Variants in PBRM1 observed in about 807,000 individuals in gnomAD.
PBRM1 encodes polybromo 1.
Under a neutral mutation model 194.5 loss-of-function variants are expected in PBRM1, and 27 were observed. The observed-to-expected ratio is 0.14, with a 90% confidence interval of 0.10 to 0.19. PBRM1 has a LOEUF of 0.19. Ranked by LOEUF, PBRM1 falls within the 10% of genes least tolerant of loss-of-function variation. The pLI is 1.00. For missense variants in PBRM1, 1,466 were observed against 2,077.2 expected, an observed-to-expected ratio of 0.71 and a Z score of 5.72; for synonymous variants, 655 against 693.2, an observed-to-expected ratio of 0.94 and a Z score of 0.87.
chr3:52,591,767 C>T (rs1455874648), intron 17 of PBRM1, among the ~76,000 whole-genome samples: 2 of 149,344 alleles, frequency 1.3e-5, no homozygotes, highest in Non-Finnish European at 3.0e-5. Context: ...ATCCACCCGC[C>T]CCGGCCTCCC....
At chr3:52,553,216 C>T (rs1424134943) in intron 27 of PBRM1, among the ~76,000 whole-genome samples, 3 of 152,216 alleles carry the variant, frequency 2.0e-5, no homozygotes, top group African/African-American at 7.2e-5. Flanking sequence ...TCCGAGTCTT[C>T]CAAAGGTCAC....
intron 17 of PBRM1, among the ~76,000 whole-genome samples, chr3:52,601,110 A>G (rs1314288519): frequency 6.6e-6 from 1 of 152,248 alleles, no homozygotes; most frequent in African/African-American, 2.4e-5. Flanking sequence ...TTCGTAGAAG[A>G]GGACTTCTCC....
exon 20 of PBRM1, chr3:52,586,444 T>C (rs2153761631): frequency 6.2e-7 from 1 of 1,612,644 alleles, no homozygotes. Flanking sequence ...GTTAAAATTG[T>C]CTTCAGCTCG....
chr3:52,654,182 G>A (rs1179779659), intron 5 of PBRM1, among the ~76,000 whole-genome samples: 1 of 152,170 alleles, frequency 6.6e-6, no homozygotes, highest in Non-Finnish European at 1.5e-5. Context: ...AAACCCTACT[G>A]AAGCCCACGC....
chr3:52,605,854 T>A (rs558716368), intron 16 of PBRM1, among the ~76,000 whole-genome samples: 1 of 152,184 alleles, frequency 6.6e-6, no homozygotes, highest in South Asian at 2.1e-4. Context: ...CCGCCCGCCG[T>A]GGCCTCCCAA....
chr3:52,603,617 T>C, exon 17 of PBRM1: 1 of 1,613,558 alleles, frequency 6.2e-7, no homozygotes, highest in Non-Finnish European at 8.5e-7. Flanking sequence ...AAATGTTTTG[T>C]GGTATAGCTG....
chr3:52,554,625 C>T, intron 27 of PBRM1, 99 bp downstream of exon 29: 1 of 1,055,668 alleles, frequency 9.5e-7, no homozygotes, highest in Non-Finnish European at 1.3e-6. Flanking sequence ...GAAGGCCTGG[C>T]CACAATGGGC....
At chr3:52,580,194 C>T (rs2090743954) in intron 20 of PBRM1, among the ~76,000 whole-genome samples, 2 of 152,062 alleles carry the variant, frequency 1.3e-5, no homozygotes, top group African/African-American at 2.4e-5. Context: ...GAGCTGAGAT[C>T]GTGCCACTGC....
chr3:52,648,311 G>GAAA, intron 7 of PBRM1, 33 bp downstream of exon 8: 1 of 1,240,214 alleles, frequency 8.1e-7, no homozygotes, highest in Non-Finnish European at 1.2e-6. Flanking sequence ...TATTACCAAG[G>GAAA]AAAACAACAA....
intron 2 of PBRM1, 92 bp downstream of exon 3, chr3:52,678,408 C>G (rs2097149312): frequency 1.3e-6 from 1 of 781,760 alleles, no homozygotes; most frequent in South Asian, 1.6e-5. Context: ...TAAGCCATTC[C>G]TGCCAACAAA....
At chr3:52,631,910 G>A (rs536609260) in intron 11 of PBRM1, among the ~76,000 whole-genome samples, 1 of 152,136 alleles carries the variant, frequency 6.6e-6, no homozygotes, top group Admixed American at 6.6e-5. Context: ...AAAGATGGAA[G>A]GCAAACCAAG....
chr3:52,624,794 T>C, intron 13 of PBRM1, 103 bp downstream of exon 15: 1 of 780,326 alleles, frequency 1.3e-6, no homozygotes, highest in Admixed American at 2.5e-5. Context: ...ATAAAGACTT[T>C]TTTTCACATG....
chr3:52,673,905 GC>G (rs1209300725), intron 2 of PBRM1, among the ~76,000 whole-genome samples: 17 of 151,246 alleles, frequency 1.1e-4, no homozygotes, highest in Admixed American at 6.6e-4. Flanking sequence ...ACAAAAATTA[GC>G]CAGGCATGGT....
intron 29 of PBRM1, among the ~76,000 whole-genome samples, chr3:52,548,627 T>C (rs1423310776): frequency 6.6e-6 from 1 of 152,156 alleles, no homozygotes; most frequent in Non-Finnish European, 1.5e-5. Flanking sequence ...GGTTTCACCA[T>C]GTTGGCCAGG....
chr3:52,597,902 C>G (rs895905640), intron 17 of PBRM1, among the ~76,000 whole-genome samples: 4 of 152,192 alleles, frequency 2.6e-5, no homozygotes, highest in African/African-American at 9.7e-5. Flanking sequence ...CAGGGTTTCA[C>G]CATGTTGGTC....
intron 25 of PBRM1, among the ~76,000 whole-genome samples, chr3:52,559,991 C>G (rs1480410024): frequency 6.6e-6 from 1 of 151,862 alleles, no homozygotes; most frequent in Non-Finnish European, 1.5e-5. Context: ...GACTGGCTAC[C>G]CAAACTCTAA....
chr3:52,584,805 C>T (rs1207213736), intron 20 of PBRM1, among the ~76,000 whole-genome samples: 1 of 152,100 alleles, frequency 6.6e-6, no homozygotes, highest in East Asian at 1.9e-4. Context: ...TATCTAACTA[C>T]ATTGGCTAAT....
chr3:52,548,405 A>T (rs777783624), intron 29 of PBRM1, among the ~76,000 whole-genome samples, 170 bp from the exon 32 acceptor site: 9 of 152,004 alleles, frequency 5.9e-5, no homozygotes, highest in Non-Finnish European at 1.0e-4. Context: ...TCATTTTACT[A>T]GGCACTAAAA....
rs762326260 is a variant in PBRM1 at position 52,662,184 on chromosome 3, G to C, written c.477C>G (p.Asp159Glu). 1.9e-6 allele frequency: 3 copies of C among 1,613,672 alleles called. No homozygotes were observed. In the South Asian group the frequency reaches 3.3e-5, roughly 18 times the overall value. Residue 159 changes from aspartate to glutamate, a missense_variant, in exon 4 of 30, where the codon GAC becomes GAG. Physicochemically the swap from Asp to Glu is conservative, Grantham distance 45. Coordinates refer to ENST00000296302, the Ensembl canonical transcript of PBRM1. ...CTTGCCCATCTTCATCATCATCTTC[G>C]TCATCTGCTTCTCCTTTCTGAACAA...
Sources: allele counts gnomAD v4.1 joint callset (sites outside exome capture counted in the v4.1 genomes callset), GRCh38; gene constraint gnomAD v4.1.1; transcripts MANE v1.5; gene names NCBI Gene and HGNC (gene_info 2026-07-23, HGNC 2026-07-21).